Variants in RBPJ observed in about 807,000 individuals in gnomAD.
The protein encoded by RBPJ is recombining binding protein suppressor of hairless.
RBPJ carries 9 observed loss-of-function variants against 67.8 expected under a neutral mutation model. That is an observed-to-expected ratio of 0.13 (90% CI 0.08 to 0.23). RBPJ has a LOEUF of 0.23. RBPJ is among the 10% of genes least tolerant of loss of function. The probability of loss-of-function intolerance (pLI) is 1.00; values close to 1 mark genes in which losing one functional copy is unlikely to be tolerated. For missense variants in RBPJ, 305 were observed against 595.6 expected, an observed-to-expected ratio of 0.51 and a Z score of 5.08; for synonymous variants, 198 against 203.3, an observed-to-expected ratio of 0.97 and a Z score of 0.22.
chr4:26,313,191 G>A (rs2109308567), intron 1 of RBPJ, among the ~76,000 whole-genome samples: 1 of 152,234 alleles, frequency 6.6e-6, no homozygotes. Flanking sequence ...CCAAAGTGCT[G>A]GAATTACAAG....
chr4:26,315,851 T>A (rs566503115), upstream of RBPJ, among the ~76,000 whole-genome samples: 3 of 152,192 alleles, frequency 2.0e-5, 1 homozygote, highest in Admixed American at 6.5e-5. Context: ...AGGAAAAAAA[T>A]TTAGTAATAT....
chr4:26,255,598 C>G (rs6828878), intron 1 of RBPJ, among the ~76,000 whole-genome samples: 2,758 of 148,788 alleles, frequency 0.019, 104 homozygotes, highest in African/African-American at 0.061. Flanking sequence ...GTCGGGAGAT[C>G]GAGACCATCC....
intron 1 of RBPJ, among the ~76,000 whole-genome samples, chr4:26,354,918 A>G (rs537216442): frequency 6.6e-6 from 1 of 152,078 alleles, no homozygotes; most frequent in Non-Finnish European, 1.5e-5. Context: ...ATACTTTTCT[A>G]CTTTGCCTGT....
intron 1 of RBPJ, among the ~76,000 whole-genome samples, chr4:26,203,229 T>C (rs1395778949): frequency 1.3e-5 from 2 of 152,170 alleles, no homozygotes; most frequent in Non-Finnish European, 2.9e-5. Context: ...TACCTAATAG[T>C]TTTTCATTAC....
chr4:26,282,980 G>C (rs2109277062), intron 1 of RBPJ, among the ~76,000 whole-genome samples: 1 of 131,224 alleles, frequency 7.6e-6, no homozygotes, highest in Admixed American at 7.8e-5. Flanking sequence ...ACCCAGGCTG[G>C]AGTGCAGTGG....
intron 1 of RBPJ, among the ~76,000 whole-genome samples, chr4:26,214,296 G>A (rs1280873580): frequency 7.2e-6 from 1 of 138,936 alleles, no homozygotes; most frequent in Non-Finnish European, 1.5e-5. Context: ...AGGAAAGGAA[G>A]GAAGCAAGGA....
At position 26,412,338 on chromosome 4, in the gene RBPJ, TC is replaced by T. The variant is rs2109771762; in HGVS notation, c.156-3136del. On this transcript the variant is annotated intron_variant, in intron 3 of 10. Transcript: ENST00000355476. ...ACCCCACCTACTGGGTTCAAGCGATTCTCATGCCTCAGCCTCCTGAGTAACT... is the reference window on the plus strand; with the variant it reads ...ACCCCACCTACTGGGTTCAAGCGATTTCATGCCTCAGCCTCCTGAGTAACT... Among the ~76,000 whole-genome samples the T allele has an allele frequency of 1.3e-5, 2 of 152,134 alleles. 1 individual carries two copies. Among genetic ancestry groups the T allele is most frequent in the South Asian group, 4.2e-4 (2 of 4,814 alleles).
rs1470867005 is a variant in RBPJ at position 26,406,348 on chromosome 4, G to A, written c.155+78G>A. The A allele has an allele frequency of 4.5e-6, 4 of 888,530 alleles. No homozygotes were observed. The African/African-American group carries it at 5.0e-5, about 11-fold the overall frequency. The allele number at this position is 888,530 out of a possible 1,614,324, so 55.0% of individuals were successfully genotyped here. On this transcript the variant is annotated intron_variant, in intron 3 of 10. Transcript: ENST00000355476. ...CAATTATGTATTAATATACATGTCA[G>A]AGGATGGCTTCTATTACTGGGTTCA... is the stretch of plus-strand genomic sequence containing the variant.
intron 1 of RBPJ, among the ~76,000 whole-genome samples, chr4:26,358,077 C>G (rs1378509852): frequency 6.9e-6 from 1 of 145,148 alleles, no homozygotes; most frequent in African/African-American, 2.6e-5. Flanking sequence ...GAGTGAATTG[C>G]CTAGTTAATA....
chr4:26,150,825 TG>T, the RBPJ span, among the ~76,000 whole-genome samples: 2 of 152,204 alleles, frequency 1.3e-5, no homozygotes, highest in Non-Finnish European at 2.9e-5. Flanking sequence ...CCCTGAGCCA[TG>T]TTTACACTAG....
At chr4:26,187,956 G>C (rs1473792720) in intron 1 of RBPJ, among the ~76,000 whole-genome samples, 1 of 152,216 alleles carries the variant, frequency 6.6e-6, no homozygotes, top group Non-Finnish European at 1.5e-5. Context: ...GAACCCAGAA[G>C]GTGGAGGCTG....
the RBPJ span, among the ~76,000 whole-genome samples, chr4:26,145,076 T>A: frequency 6.6e-6 from 1 of 152,042 alleles, no homozygotes; most frequent in Non-Finnish European, 1.5e-5. Flanking sequence ...TAGTTTACAT[T>A]TTTCTGAGTT....
Position 26,215,351 on chromosome 4 carries a change from AAAAG to A in RBPJ, c.-167+51740_-167+51743del, listed in dbSNP as rs1176693831. On this transcript the variant is annotated intron_variant, in intron 1 of 4. Coordinates refer to the RBPJ transcript ENST00000512351. The stretch of plus-strand genomic sequence containing the variant: ...AAAAAGAGAGAGAGAAAGAAAGAAA[AAAAG>A]AAGGAAGGAAGGAAGGAAGAAGGGA... Among the ~76,000 whole-genome samples the A allele has an allele frequency of 8.4e-4, 86 of 102,496 alleles. 1 individual carries two copies. Among genetic ancestry groups the A allele is most frequent in the East Asian group, 5.2e-3 (14 of 2,678 alleles). 67.2% of individuals were successfully genotyped at this position (102,496 alleles called of 152,430 possible). A position where few individuals can be genotyped will look rare whatever the true frequency, so the allele number is the denominator to read the frequency against.
intron 1 of RBPJ, among the ~76,000 whole-genome samples, chr4:26,172,956 A>C (rs1716648377): frequency 6.6e-6 from 1 of 152,164 alleles, no homozygotes; most frequent in South Asian, 2.1e-4. Context: ...GTGAAAGGAT[A>C]TTAGGGGCAG....
intron 3 of RBPJ, among the ~76,000 whole-genome samples, chr4:26,413,684 T>C (rs2109777331): frequency 1.3e-5 from 2 of 152,256 alleles, no homozygotes; most frequent in South Asian, 4.2e-4. Flanking sequence ...GTCAGTTCAG[T>C]AGATAATATT....
intron 1 of RBPJ, among the ~76,000 whole-genome samples, chr4:26,384,140 G>A (rs1730582474): frequency 6.6e-6 from 1 of 152,150 alleles, no homozygotes; most frequent in South Asian, 2.1e-4. Flanking sequence ...GAGCTACCAT[G>A]CCTTGCCTTG....
At chr4:26,270,410 A>AAAGAAAGAAAGAAAGAAAGAAAGAAAG (rs762458727) in intron 1 of RBPJ, among the ~76,000 whole-genome samples, 1 of 62,960 alleles carries the variant, frequency 1.6e-5, no homozygotes, top group East Asian at 3.9e-4. Context: ...AGAAAGAAAG[A>AAAGAAAGAAAGAAAGAAAGAAAGAAAG]AAGAAAGAAA....
chr4:26,244,888 C>A (rs1452729069), intron 1 of RBPJ, among the ~76,000 whole-genome samples: 1 of 151,924 alleles, frequency 6.6e-6, no homozygotes, highest in African/African-American at 2.4e-5. Context: ...CCTGCCTCAG[C>A]CTCGCAAAGT....
At chr4:26,267,863 C>T (rs555681902) in intron 1 of RBPJ, among the ~76,000 whole-genome samples, 2 of 152,222 alleles carry the variant, frequency 1.3e-5, no homozygotes, top group East Asian at 3.9e-4. Context: ...CCACCTCAGC[C>T]TCCCAAAGTG....
Sources: gnomAD v4.1 joint callset for allele counts (sites outside exome capture counted in the v4.1 genomes callset) on GRCh38, gnomAD v4.1.1 for gene constraint, MANE v1.5 for transcripts, NCBI Gene and HGNC (gene_info 2026-07-23, HGNC 2026-07-21) for gene names.